CSMD1: variants seen among roughly 807,000 people sequenced by gnomAD.
The protein encoded by CSMD1 is CUB and sushi domain-containing protein 1.
Under a neutral mutation model 417.5 loss-of-function variants are expected in CSMD1, and 213 were observed. The observed-to-expected ratio is 0.51, with a 90% CI of 0.46 to 0.57. CSMD1 has a LOEUF of 0.57. Among genes scored for constraint, CSMD1 ranks in the 20% least tolerant of loss-of-function variants. CSMD1 has a pLI of 0.00. For missense variants in CSMD1, 6,923 were observed against 4,529.7 expected (o/e 1.53, Z -15.17); for synonymous variants, 2,862 against 1,736.8 (o/e 1.65, Z -16.11).
chr8:4,260,287 C>G (rs1458384948), intron 3 of CSMD1, among the ~76,000 whole-genome samples: 1 of 152,100 alleles, frequency 6.6e-6, no homozygotes, highest in Non-Finnish European at 1.5e-5. Flanking sequence ...TGTATTTGTT[C>G]ATTGAACATC....
At chr8:4,464,808 C>G (rs966139596) in intron 2 of CSMD1, among the ~76,000 whole-genome samples, 1 of 152,060 alleles carries the variant, frequency 6.6e-6, no homozygotes, top group East Asian at 1.9e-4. Flanking sequence ...AAAACTGATT[C>G]TCTTTGAAGT....
intron 8 of CSMD1, among the ~76,000 whole-genome samples, chr8:3,614,278 C>A (rs543660289): frequency 1.3e-5 from 2 of 152,088 alleles, no homozygotes; most frequent in African/African-American, 2.4e-5. Flanking sequence ...AGATAAGATT[C>A]TACAGAAACC....
chr8:3,979,812 C>G (rs764769077), intron 5 of CSMD1, among the ~76,000 whole-genome samples: 23 of 152,170 alleles, frequency 1.5e-4, no homozygotes, highest in Non-Finnish European at 2.9e-4. Flanking sequence ...TATGACAATA[C>G]AAACCCATGA....
intron 25 of CSMD1, among the ~76,000 whole-genome samples, chr8:3,302,907 C>G (rs753406304): frequency 7.2e-5 from 11 of 152,132 alleles, no homozygotes; most frequent in Non-Finnish European, 1.3e-4. Context: ...TTGCAGGTTT[C>G]TTTCCTCTGA....
chr8:3,163,756 G>A (rs7841775), intron 37 of CSMD1, among the ~76,000 whole-genome samples: 1 of 151,990 alleles, frequency 6.6e-6, no homozygotes, highest in Non-Finnish European at 1.5e-5. Context: ...AGAGTCAGCA[G>A]CAAGGTCAAG....
chr8:4,430,002 T>G (rs557839608), intron 2 of CSMD1, among the ~76,000 whole-genome samples: 12 of 152,302 alleles, frequency 7.9e-5, no homozygotes, highest in African/African-American at 2.6e-4. Context: ...GAGGTCTCCT[T>G]AAGTGCCTTC....
intron 6 of CSMD1, among the ~76,000 whole-genome samples, chr8:3,753,729 T>C (rs766271973): frequency 6.6e-6 from 1 of 152,186 alleles, no homozygotes; most frequent in Non-Finnish European, 1.5e-5. Context: ...ACTATACATA[T>C]CCTGTATACT....
intron 3 of CSMD1, 149 bp downstream of exon 3, chr8:4,419,804 A>C (rs1797144511): frequency 2.0e-6 from 1 of 509,630 alleles, no homozygotes. Flanking sequence ...CAGTGTTACC[A>C]AATGCCATTG....
At chr8:3,254,016 T>C (rs1207094017) in intron 26 of CSMD1, among the ~76,000 whole-genome samples, 6 of 152,204 alleles carry the variant, frequency 3.9e-5, no homozygotes, top group South Asian at 2.1e-4. Context: ...CTGGTACTAG[T>C]TGTTCCTTTC....
At chr8:4,901,089 T>C (rs1424295886) in intron 1 of CSMD1, among the ~76,000 whole-genome samples, 13 of 152,230 alleles carry the variant, frequency 8.5e-5, no homozygotes, top group Admixed American at 8.5e-4. Flanking sequence ...CAACTTATTA[T>C]TTTGGGCAAC....
rs1452316141 is a variant in CSMD1 at position 3,201,609 on chromosome 8, T to G, written c.5098+3A>C. On this transcript the variant is annotated splice_donor_region_variant and intron_variant, in intron 32 of 69. Transcript: ENST00000635120. ...ATTAAGGGCAAAATTCTTTAAGACTTACCTGAGTGAGACCCCGAGAGTGAG... is the reference window on the plus strand; with the variant it reads ...ATTAAGGGCAAAATTCTTTAAGACTGACCTGAGTGAGACCCCGAGAGTGAG... The G allele has an allele frequency of 6.3e-7, 1 of 1,576,118 alleles. No individual in the cohort carries two copies. The highest frequency in any genetic ancestry group is 1.3e-5 in the African/African-American group (1 of 74,126).
chr8:3,936,757 C>T (rs1425908030), intron 5 of CSMD1, among the ~76,000 whole-genome samples: 1 of 152,040 alleles, frequency 6.6e-6, no homozygotes, highest in Non-Finnish European at 1.5e-5. Context: ...ATTCTGCAGC[C>T]CAAGAAACAC....
chr8:4,360,955 G>C (rs181029864), intron 3 of CSMD1, among the ~76,000 whole-genome samples: 2 of 152,276 alleles, frequency 1.3e-5, no homozygotes, highest in African/African-American at 4.8e-5. Flanking sequence ...CATGGGACTT[G>C]AGGAATACTT....
At chr8:4,152,188 T>C (rs976178815) in intron 3 of CSMD1, among the ~76,000 whole-genome samples, 17 of 152,192 alleles carry the variant, frequency 1.1e-4, no homozygotes, top group Admixed American at 1.0e-3. Context: ...ACATAGTTCT[T>C]ACATCTTTGG....
At chr8:3,444,469 G>T (rs185482074) in intron 12 of CSMD1, among the ~76,000 whole-genome samples, 49 of 152,268 alleles carry the variant, frequency 3.2e-4, no homozygotes, top group African/African-American at 9.6e-4. Context: ...GAGCAGTAGT[G>T]CTCAACCAGT....
At chr8:4,749,841 G>C (rs963158169) in intron 1 of CSMD1, among the ~76,000 whole-genome samples, 2 of 152,054 alleles carry the variant, frequency 1.3e-5, no homozygotes, top group Admixed American at 6.5e-5. Context: ...AATTTGGAAA[G>C]CCAGGGTGTG....
chr8:2,939,695 A>G (rs1461378732), intron 69 of CSMD1, among the ~76,000 whole-genome samples: 2 of 152,238 alleles, frequency 1.3e-5, no homozygotes, highest in African/African-American at 4.8e-5. Flanking sequence ...TCCTTATGTT[A>G]CACATGCTCA....
intron 4 of CSMD1, among the ~76,000 whole-genome samples, chr8:4,008,729 G>C (rs904495848): frequency 1.4e-5 from 2 of 145,484 alleles, no homozygotes; most frequent in African/African-American, 5.1e-5. Flanking sequence ...TCCTGCCTCA[G>C]CCTCCTGAGT....
chr8:4,178,877 G>T (rs1198196121), intron 3 of CSMD1, among the ~76,000 whole-genome samples: 5 of 152,148 alleles, frequency 3.3e-5, no homozygotes, highest in Non-Finnish European at 5.9e-5. Context: ...CAAGGGATGA[G>T]AAGGACCTCT....
Sources: allele counts gnomAD v4.1 joint callset (sites outside exome capture counted in the v4.1 genomes callset), GRCh38; gene constraint gnomAD v4.1.1; transcripts MANE v1.5; gene names NCBI Gene and HGNC (gene_info 2026-07-23, HGNC 2026-07-21).